CNOT2: variants seen among roughly 807,000 people sequenced by gnomAD.
CNOT2 encodes the protein CC chemokine receptor 4-negative regulator of transcription 2.
Under a neutral mutation model 72.1 loss-of-function variants are expected in CNOT2, and 7 were observed. That is an observed-to-expected ratio of 0.10 (90% CI 0.06 to 0.18). The LOEUF is 0.18. CNOT2 is among the 10% of genes least tolerant of loss of function. The pLI is 1.00. For missense variants in CNOT2, 345 were observed against 660.3 expected, an observed-to-expected ratio of 0.52 and a Z score of 5.23; for synonymous variants, 196 against 225.6, an observed-to-expected ratio of 0.87 and a Z score of 1.17.
intron 2 of CNOT2, among the ~76,000 whole-genome samples, chr12:70,287,466 A>C (rs1013949746): frequency 6.7e-6 from 1 of 149,396 alleles, no homozygotes; most frequent in African/African-American, 2.4e-5. Flanking sequence ...AGGTTTGTCT[A>C]GTTATCTTTT....
intron 6 of CNOT2, 142 bp downstream of exon 6, chr12:70,330,611 T>TA: frequency 2.0e-6 from 1 of 494,042 alleles, no homozygotes; most frequent in Non-Finnish European, 3.6e-6. Flanking sequence ...AAGATTCTGT[T>TA]ACCCATCACA....
chr12:70,243,432 C>T (rs1397894934), upstream of CNOT2: 1 of 152,474 alleles, frequency 6.6e-6, no homozygotes, highest in African/African-American at 2.4e-5. Flanking sequence ...GCAGCCTCCG[C>T]GGTGGATACG....
chr12:70,348,011 T>C (rs1331374941), intron 15 of CNOT2: 1 of 152,216 alleles, frequency 6.6e-6, no homozygotes, highest in Non-Finnish European at 1.5e-5. Context: ...TACAATTTTC[T>C]TTTTCATGCC....
chr12:70,335,268 C>T, intron 7 of CNOT2, 170 bp from the exon 8 acceptor site: 1 of 481,388 alleles, frequency 2.1e-6, no homozygotes, highest in Non-Finnish European at 3.7e-6. Context: ...AATTCTTTGA[C>T]ATGAAATCAA....
Position 70,278,286 on chromosome 12 carries a change from C to T in CNOT2, c.48+12C>T. On this transcript the variant is annotated intron_variant, in intron 2 of 15. Coordinates refer to ENST00000229195, the MANE Select transcript of CNOT2 (RefSeq NM_014515.7). ...AAAGAAACTACCAGGTAAGACCAGT[C>T]TTTCTTCTTTTTTCTCTATTGGTCT... The T allele has an allele frequency of 1.9e-6, 3 of 1,584,554 alleles. No homozygotes were observed. The highest frequency in any genetic ancestry group is 2.6e-6 in the Non-Finnish European group (3 of 1,153,362).
rs1870919316 is a variant in CNOT2 at position 70,286,507 on chromosome 12, A to T, written c.48+8233A>T. Among the ~76,000 whole-genome samples, 6 of 150,018 alleles carry T rather than the reference A, an allele frequency of 4.0e-5. 1 individual carries two copies. In the South Asian group the frequency reaches 1.3e-3, roughly 33 times the overall value. ...TTAGCATTGTGTACCAATTTATTCT[A>T]ACCTCCTTAACTATTCAGTAGTGCT... On this transcript the variant is annotated intron_variant, in intron 2 of 15. Coordinates refer to ENST00000229195, the MANE Select transcript of CNOT2 (RefSeq NM_014515.7).
chr12:70,340,207 T>C (rs1454875196), intron 11 of CNOT2, among the ~76,000 whole-genome samples: 3 of 152,180 alleles, frequency 2.0e-5, no homozygotes, highest in Non-Finnish European at 2.9e-5. Flanking sequence ...CAAATGACCT[T>C]CATGTTATTA....
chr12:70,279,456 G>A (rs549249430), intron 2 of CNOT2, among the ~76,000 whole-genome samples: 1 of 152,196 alleles, frequency 6.6e-6, no homozygotes, highest in South Asian at 2.1e-4. Flanking sequence ...GAAAACTGAG[G>A]GTATGCTGAA....
intron 3 of CNOT2, among the ~76,000 whole-genome samples, chr12:70,315,511 T>C (rs761461395): frequency 2.0e-5 from 3 of 152,190 alleles, no homozygotes; most frequent in Non-Finnish European, 2.9e-5. Flanking sequence ...ATTTTTTAAT[T>C]GCTGTCATGG....
At chr12:70,285,678 A>G (rs1337613844) in intron 2 of CNOT2, 1 of 150,524 alleles carries the variant, frequency 6.6e-6, no homozygotes, top group Admixed American at 6.6e-5. Context: ...GTGAAACATA[A>G]CAGAACTTCT....
chr12:70,345,593 C>T (rs1882063660), intron 14 of CNOT2: 1 of 152,154 alleles, frequency 6.6e-6, no homozygotes, highest in African/African-American at 2.4e-5. Flanking sequence ...TGTAAATTCT[C>T]ATTGATTCTT....
rs555407738 is a variant in CNOT2 at position 70,346,474 on chromosome 12, CTTAGAA to C, written c.1536+151_1536+156del. On this transcript the variant is annotated intron_variant, in intron 15 of 15. Transcript: ENST00000229195. ...AATTCCATCTCCTTGGCTTGACACT[CTTAGAA>C]GAGTGTCCCAAAACAATTGGTTTCA... The C allele has an allele frequency of 9.3e-4, 510 of 549,390 alleles. 1 individual carries two copies. Among genetic ancestry groups the C allele is most frequent in the African/African-American group, 8.7e-3 (455 of 52,420 alleles). 34.0% of individuals were successfully genotyped at this position (549,390 alleles called of 1,614,324 possible).
At chr12:70,244,259 C>CTG (rs1957761369) in intron 1 of CNOT2, 1 of 152,210 alleles carries the variant, frequency 6.6e-6, no homozygotes, top group African/African-American at 2.4e-5. Flanking sequence ...ACAGACGCTT[C>CTG]TGTCTGTGAA....
intron 4 of CNOT2, among the ~76,000 whole-genome samples, chr12:70,326,252 T>A (rs947754248): frequency 2.0e-5 from 3 of 151,794 alleles, no homozygotes; most frequent in African/African-American, 7.2e-5. Context: ...TGTAAAAAGG[T>A]GATAACCTTT....
intron 2 of CNOT2, among the ~76,000 whole-genome samples, chr12:70,308,626 C>T (rs1305096071): frequency 6.6e-6 from 1 of 150,388 alleles, no homozygotes; most frequent in African/African-American, 2.5e-5. Flanking sequence ...TTGAGAAAAT[C>T]TGGTATTGAT....
Position 70,269,995 on chromosome 12 carries a change from C to T in CNOT2, c.-95-8137C>T, listed in dbSNP as rs7314579. ...GTTTTAATATTATTGCCATTTGTGA[C>T]CTTGTGTTAATTATAATTAGTGCTT... is the stretch of plus-strand genomic sequence containing the variant. On this transcript the variant is annotated intron_variant, in intron 1 of 15. Coordinates refer to ENST00000229195, the MANE Select transcript of CNOT2 (RefSeq NM_014515.7). Among the ~76,000 whole-genome samples the T allele has an allele frequency of 4.4e-3, 663 of 152,198 alleles. 1 individual carries two copies. The highest frequency in any genetic ancestry group is 0.015 in the African/African-American group (632 of 41,516).
chr12:70,330,981 G>T (rs1242140558), intron 6 of CNOT2: 2 of 152,024 alleles, frequency 1.3e-5, no homozygotes, highest in African/African-American at 4.8e-5. Context: ...ACGGGTTTTT[G>T]TACTTTTTCA....
At chr12:70,337,159 G>C (rs1880816619) in intron 8 of CNOT2, 1 of 336,058 alleles carries the variant, frequency 3.0e-6, no homozygotes. Context: ...CGCATGACAT[G>C]GATTACTGTT....
Position 70,257,536 on chromosome 12 carries a change from A to AT in CNOT2, c.-96+14067dup, listed in dbSNP as rs889463708. On this transcript the variant is annotated intron_variant, in intron 1 of 15. Transcript: ENST00000229195. The stretch of plus-strand genomic sequence containing the variant: ...CCACTGTGCCCGGCTATTTTTTTGT[A>AT]TTTTTTTTTTTAAGTAGAGATGGGG... Among the ~76,000 whole-genome samples, 59 of 141,666 alleles carry AT rather than the reference A, an allele frequency of 4.2e-4. No individual in the cohort carries two copies. The South Asian group carries it at 4.3e-3, about 10-fold the overall frequency. The allele number at this position is 141,666 out of a possible 152,430, so 92.9% of individuals were successfully genotyped here.
Sources: gnomAD v4.1 joint callset for allele counts (sites outside exome capture counted in the v4.1 genomes callset) on GRCh38, gnomAD v4.1.1 for gene constraint, MANE v1.5 for transcripts, NCBI Gene and HGNC (gene_info 2026-07-23, HGNC 2026-07-21) for gene names.